The following MCTP1 variants were observed in gnomAD, a reference collection of about 807,000 sequenced individuals.
MCTP1 encodes multiple C2 and transmembrane domain containing 1.
MCTP1 carries 69 observed loss-of-function variants against 120.6 expected under a neutral mutation model. The ratio of observed to expected loss-of-function variants is 0.57; its 90% CI spans 0.47 to 0.70. The LOEUF is 0.70. MCTP1 is among the 30% of genes least tolerant of loss of function. The pLI is 0.00. For missense variants in MCTP1, 1,203 were observed against 1,248.8 expected (o/e 0.96, Z 0.55); for synonymous variants, 529 against 493.1 (o/e 1.07, Z -0.96).
At chr5:94,837,222 A>G (rs1337265568) in intron 17 of MCTP1, among the ~76,000 whole-genome samples, 2 of 152,060 alleles carry the variant, frequency 1.3e-5, no homozygotes, top group Non-Finnish European at 2.9e-5. Flanking sequence ...TACTAAAAAT[A>G]AAAAAACATT....
chr5:95,201,055 T>A (rs1750953384), intron 1 of MCTP1, among the ~76,000 whole-genome samples: 1 of 152,262 alleles, frequency 6.6e-6, no homozygotes, highest in South Asian at 2.1e-4. Context: ...GCTATAACTT[T>A]ATTCCAAGCC....
chr5:95,216,979 T>C (rs1313658530), intron 1 of MCTP1, among the ~76,000 whole-genome samples: 1 of 152,228 alleles, frequency 6.6e-6, no homozygotes, highest in African/African-American at 2.4e-5. Context: ...GGCATTTTTA[T>C]TGACCATCCA....
intron 12 of MCTP1, 65 bp from the exon 13 acceptor site, chr5:94,873,306 C>G: frequency 2.3e-6 from 2 of 886,860 alleles, no homozygotes; most frequent in Admixed American, 2.2e-5. Flanking sequence ...GTGTCAAGAT[C>G]ATGACCATAT....
Position 94,848,089 on chromosome 5 carries a change from A to G in MCTP1, c.2436+20244T>C, listed in dbSNP as rs62365748. 6.7e-3 allele frequency among the ~76,000 whole-genome samples: 1,024 copies of G among 152,198 alleles called. 4 individuals are homozygous for G. Among genetic ancestry groups the G allele is most frequent in the Non-Finnish European group, 0.012 (790 of 68,002 alleles). ...TCTACATTTGTAGCTAATAGAAAGA[A>G]CATTTTCAGAGTTGAAAAGAGCAAA... On this transcript the variant is annotated intron_variant, in intron 17 of 22. Transcript: ENST00000515393.
chr5:94,801,564 G>A (rs1781240444), intron 17 of MCTP1, among the ~76,000 whole-genome samples: 1 of 152,104 alleles, frequency 6.6e-6, no homozygotes, highest in Non-Finnish European at 1.5e-5. Context: ...TTTTCTGAGG[G>A]CATTCATTTG....
intron 1 of MCTP1, among the ~76,000 whole-genome samples, chr5:95,157,497 A>G (rs1477465182): frequency 6.6e-6 from 1 of 152,228 alleles, no homozygotes; most frequent in Admixed American, 6.5e-5. Context: ...GTAGACCCAT[A>G]TAGAAAACTA....
At chr5:95,148,738 G>A (rs1346896400) in intron 1 of MCTP1, among the ~76,000 whole-genome samples, 1 of 151,864 alleles carries the variant, frequency 6.6e-6, no homozygotes, top group Admixed American at 6.6e-5. Context: ...TTACTTTAGA[G>A]ATAAGGGGAC....
intron 1 of MCTP1, among the ~76,000 whole-genome samples, chr5:95,168,574 G>C (rs886089897): frequency 6.6e-6 from 1 of 151,920 alleles, no homozygotes; most frequent in South Asian, 2.1e-4. Flanking sequence ...CTTTTATTTC[G>C]TTGAGCAGTG....
At position 94,953,844 on chromosome 5, in the gene MCTP1, C is replaced by CAAATATATATATACATATATATATAT. The variant is rs1561916344; in HGVS notation, c.839-484_839-483insATATATATATATGTATATATATATTT. ...ATATATATATACATATATATATATACACAACTATATATATGCATATATATA... is the reference window on the plus strand; with the variant it reads ...ATATATATATACATATATATATATACAAATATATATATACATATATATATATACAACTATATATATGCATATATATA... On this transcript the variant is annotated intron_variant, in intron 2 of 22. Coordinates refer to ENST00000515393, the MANE Select transcript of MCTP1 (RefSeq NM_024717.7). Among the ~76,000 whole-genome samples the CAAATATATATATACATATATATATAT allele has an allele frequency of 4.3e-4, 6 of 13,988 alleles. 1 individual carries two copies. Among genetic ancestry groups the CAAATATATATATACATATATATATAT allele is most frequent in the African/African-American group, 3.6e-3 (6 of 1,658 alleles). 9.2% of individuals were successfully genotyped at this position (13,988 alleles called of 152,430 possible). A position where few individuals can be genotyped will look rare whatever the true frequency, so the allele number is the denominator to read the frequency against.
chr5:94,948,912 G>T (rs1410610678), intron 3 of MCTP1, among the ~76,000 whole-genome samples: 1 of 152,074 alleles, frequency 6.6e-6, no homozygotes, highest in Non-Finnish European at 1.5e-5. Flanking sequence ...GGACAGGACA[G>T]TAATATGGTC....
At chr5:94,752,108 A>AATAAATATATATATATAT (rs1768526985) in intron 19 of MCTP1, among the ~76,000 whole-genome samples, 1 of 75,756 alleles carries the variant, frequency 1.3e-5, no homozygotes, top group African/African-American at 3.8e-5. Context: ...TAAATAATAA[A>AATAAATATATATATATAT]ATATATATAT....
chr5:94,821,908 A>G (rs1009536253), intron 17 of MCTP1, among the ~76,000 whole-genome samples: 1 of 152,054 alleles, frequency 6.6e-6, no homozygotes, highest in Non-Finnish European at 1.5e-5. Flanking sequence ...GGTGAGCTGC[A>G]TTTTCTTTTT....
chr5:94,979,995 T>TA (rs1464996613), intron 2 of MCTP1, among the ~76,000 whole-genome samples: 1 of 152,100 alleles, frequency 6.6e-6, no homozygotes, highest in Non-Finnish European at 1.5e-5. Flanking sequence ...CATTTAGTTT[T>TA]AAAAAATACC....
chr5:94,859,213 T>C (rs1396788081), intron 17 of MCTP1, among the ~76,000 whole-genome samples: 1 of 151,744 alleles, frequency 6.6e-6, no homozygotes, highest in East Asian at 1.9e-4. Context: ...TAAAGGGCTC[T>C]CTTAAAATAC....
intron 14 of MCTP1, 33 bp from the exon 15 acceptor site, chr5:94,871,006 C>G: frequency 6.4e-7 from 1 of 1,554,966 alleles, no homozygotes; most frequent in South Asian, 1.1e-5. Context: ...CCGTCTGTCT[C>G]GCGGTCTCTA....
intron 2 of MCTP1, among the ~76,000 whole-genome samples, chr5:94,961,171 A>G (rs544299557): frequency 6.6e-6 from 1 of 152,054 alleles, no homozygotes; most frequent in East Asian, 1.9e-4. Context: ...CTAACACAGG[A>G]ACAGAAAACC....
At chr5:94,771,591 A>G (rs1226243799) in intron 19 of MCTP1, among the ~76,000 whole-genome samples, 1 of 152,208 alleles carries the variant, frequency 6.6e-6, no homozygotes, top group Non-Finnish European at 1.5e-5. Context: ...AATTTGGATA[A>G]AAATATTTGC....
At chr5:95,111,491 T>G (rs1562151814) in intron 1 of MCTP1, among the ~76,000 whole-genome samples, 1 of 152,198 alleles carries the variant, frequency 6.6e-6, no homozygotes, top group Non-Finnish European at 1.5e-5. Context: ...GCCAAAAATC[T>G]ATTTCCAGAT....
intron 1 of MCTP1, among the ~76,000 whole-genome samples, chr5:95,083,593 T>A (rs188589179): frequency 6.6e-6 from 1 of 152,194 alleles, no homozygotes; most frequent in East Asian, 1.9e-4. Flanking sequence ...AGAGTAGAAC[T>A]GTTGGTTGTT....
Sources: gnomAD v4.1 joint callset for allele counts (sites outside exome capture counted in the v4.1 genomes callset) on GRCh38, gnomAD v4.1.1 for gene constraint, MANE v1.5 for transcripts, NCBI Gene and HGNC (gene_info 2026-07-23, HGNC 2026-07-21) for gene names.